SLC22A15: variants seen among roughly 807,000 people sequenced by gnomAD.
SLC22A15 encodes the protein flipt 1.
Under a neutral mutation model 62.7 loss-of-function variants are expected in SLC22A15, and 45 were observed. That is an observed-to-expected ratio of 0.72 (90% CI 0.56 to 0.92). The LOEUF (loss-of-function observed/expected upper bound fraction) is 0.92, where lower values mean the gene tolerates loss of function less well. Among genes scored for constraint, SLC22A15 ranks in the 40% least tolerant of loss-of-function variants. The pLI, the probability that SLC22A15 is intolerant of heterozygous loss-of-function variation, is 0.00. For missense variants in SLC22A15, 622 were observed against 665.6 expected (o/e 0.93, Z 0.72); for synonymous variants, 264 against 267.0 (o/e 0.99, Z 0.11).
intron 11 of SLC22A15, 41 bp from the exon 12 acceptor site, chr1:116,066,978 A>G (rs759154807): frequency 6.7e-7 from 1 of 1,483,382 alleles, no homozygotes; most frequent in Non-Finnish European, 9.3e-7. Flanking sequence ...CAGAAATGTC[A>G]TAACATCATT....
At chr1:116,039,127 A>ATGGACACTGAATAAGAAACAGC (rs1368845200) in intron 8 of SLC22A15, among the ~76,000 whole-genome samples, 2 of 152,208 alleles carry the variant, frequency 1.3e-5, no homozygotes, top group African/African-American at 4.8e-5. Context: ...GTGCCCCTTT[A>ATGGACACTGAATAAGAAACAGC]TGGACACTGA....
At chr1:116,060,520 T>A (rs545851967) in intron 8 of SLC22A15, among the ~76,000 whole-genome samples, 8 of 152,332 alleles carry the variant, frequency 5.3e-5, no homozygotes, top group African/African-American at 1.9e-4. Flanking sequence ...TTCTTTAGCC[T>A]GTTGTTAAAG....
chr1:116,001,872 T>C (rs1361025852), intron 2 of SLC22A15, among the ~76,000 whole-genome samples: 2 of 152,170 alleles, frequency 1.3e-5, no homozygotes, highest in Admixed American at 6.5e-5. Context: ...CATGTCTTCC[T>C]GAATGGTCTC....
intron 5 of SLC22A15, among the ~76,000 whole-genome samples, chr1:116,030,675 G>T (rs1056102018): frequency 6.6e-6 from 1 of 152,108 alleles, no homozygotes; most frequent in Non-Finnish European, 1.5e-5. Context: ...CTAGAAGTTG[G>T]TCAGGAAATA....
rs1658574492 is a variant in SLC22A15, at chr1:116,069,700, G to C, written c.*2592G>C. The C allele has an allele frequency of 6.6e-6, 1 of 152,112 alleles. No individual in the cohort carries two copies. Among genetic ancestry groups the C allele is most frequent in the African/African-American group, 2.4e-5 (1 of 41,438 alleles). 9.4% of individuals were successfully genotyped at this position (152,112 alleles called of 1,614,324 possible). The stretch of plus-strand genomic sequence containing the variant: ...TATTTGGCTACTTTCAAGCAATGCA[G>C]ATATTCTTTAGTATTTAAAAATGAG... On this transcript the variant is annotated 3_prime_UTR_variant, in exon 12 of 12. Coordinates refer to ENST00000369503, the MANE Select transcript of SLC22A15 (RefSeq NM_018420.3).
chr1:115,976,982 G>A (rs1292532621), intron 1 of SLC22A15, among the ~76,000 whole-genome samples: 2 of 152,188 alleles, frequency 1.3e-5, no homozygotes, highest in African/African-American at 4.8e-5. Flanking sequence ...GAAGGAGCGT[G>A]TTGGGGGAGG....
chr1:116,039,623 C>G (rs1456558180), intron 8 of SLC22A15, among the ~76,000 whole-genome samples: 6 of 152,000 alleles, frequency 3.9e-5, no homozygotes, highest in Non-Finnish European at 8.8e-5. Flanking sequence ...TAATTAATAA[C>G]CATTACTATT....
chr1:115,993,315 C>T (rs1655243071), intron 2 of SLC22A15, among the ~76,000 whole-genome samples: 1 of 152,070 alleles, frequency 6.6e-6, no homozygotes, highest in African/African-American at 2.4e-5. Context: ...CAACAGGGGG[C>T]CTCTGGGACC....
chr1:115,978,932 A>G (rs1654461306), intron 1 of SLC22A15, among the ~76,000 whole-genome samples: 1 of 152,086 alleles, frequency 6.6e-6, no homozygotes, highest in South Asian at 2.1e-4. Context: ...CCATTGCCCA[A>G]GGAAGGGGCA....
chr1:115,996,316 T>C (rs1655422569), intron 2 of SLC22A15, among the ~76,000 whole-genome samples: 1 of 152,210 alleles, frequency 6.6e-6, no homozygotes, highest in South Asian at 2.1e-4. Context: ...CCTTTCCATA[T>C]AAGTTTTAGA....
At chr1:116,034,954 A>G (rs986362284) in intron 6 of SLC22A15, among the ~76,000 whole-genome samples, 3 of 152,224 alleles carry the variant, frequency 2.0e-5, no homozygotes, top group African/African-American at 7.2e-5. Context: ...TGATTTATAT[A>G]ACATATAGAC....
At chr1:115,978,671 C>T (rs1654444975) in intron 1 of SLC22A15, among the ~76,000 whole-genome samples, 1 of 152,132 alleles carries the variant, frequency 6.6e-6, no homozygotes, top group African/African-American at 2.4e-5. Context: ...CCCAGAGCTA[C>T]CCTGGGTATG....
intron 2 of SLC22A15, among the ~76,000 whole-genome samples, chr1:115,997,584 T>C (rs1368029397): frequency 6.6e-6 from 1 of 152,182 alleles, no homozygotes; most frequent in South Asian, 2.1e-4. Context: ...GATTACTTTC[T>C]TGATTTCTCT....
At chr1:116,050,342 T>G (rs548904913) in intron 8 of SLC22A15, among the ~76,000 whole-genome samples, 115 of 152,272 alleles carry the variant, frequency 7.6e-4, no homozygotes, top group African/African-American at 2.6e-3. Context: ...GCTAAAATCC[T>G]TAACAAAATA....
At chr1:115,991,013 C>T (rs1395405714) in intron 1 of SLC22A15, among the ~76,000 whole-genome samples, 1 of 152,168 alleles carries the variant, frequency 6.6e-6, no homozygotes, top group East Asian at 1.9e-4. Context: ...CTGCCTCGGC[C>T]TCCCAAAGTG....
At chr1:116,012,660 A>C (rs1656330593) in intron 2 of SLC22A15, among the ~76,000 whole-genome samples, 1 of 152,238 alleles carries the variant, frequency 6.6e-6, no homozygotes, top group Non-Finnish European at 1.5e-5. Flanking sequence ...AGTAAGATAC[A>C]CGCTGAAACA....
chr1:116,048,669 C>T (rs1345778965), intron 8 of SLC22A15, among the ~76,000 whole-genome samples: 1 of 151,988 alleles, frequency 6.6e-6, no homozygotes, highest in African/African-American at 2.4e-5. Flanking sequence ...AAACAAAATA[C>T]GAGTTAAAAA....
chr1:116,028,495 A>G (rs1215734002), intron 5 of SLC22A15, among the ~76,000 whole-genome samples: 1 of 144,714 alleles, frequency 6.9e-6, no homozygotes, highest in Non-Finnish European at 1.5e-5. Flanking sequence ...TAGTAGCACC[A>G]CTTCACTGGA....
chr1:115,976,964 GA>G (rs1270036971), intron 1 of SLC22A15, among the ~76,000 whole-genome samples: 1 of 152,150 alleles, frequency 6.6e-6, no homozygotes, highest in Non-Finnish European at 1.5e-5. Flanking sequence ...CCGCCACCTT[GA>G]GTGGTGGAAG....
Sources: gnomAD v4.1 joint callset for allele counts (sites outside exome capture counted in the v4.1 genomes callset) on GRCh38, gnomAD v4.1.1 for gene constraint, MANE v1.5 for transcripts, NCBI Gene and HGNC (gene_info 2026-07-23, HGNC 2026-07-21) for gene names.